TINAGL1: variants seen among roughly 807,000 people sequenced by gnomAD.
TINAGL1 encodes the protein tubulointerstitial nephritis antigen-like.
A neutral mutation model predicts 62.0 loss-of-function variants in TINAGL1; 34 were observed. The observed-to-expected ratio is 0.55, with a 90% CI of 0.42 to 0.73. The LOEUF is 0.73. Ranked by LOEUF, TINAGL1 falls within the 30% of genes least tolerant of loss-of-function variation. TINAGL1 has a pLI of 0.00. For missense variants in TINAGL1, 516 were observed against 653.2 expected, an observed-to-expected ratio of 0.79 and a Z score of 2.29; for synonymous variants, 221 against 249.7, an observed-to-expected ratio of 0.88 and a Z score of 1.08.
chr1:31,580,182 T>G, intron 3 of TINAGL1: 1 of 359,992 alleles, frequency 2.8e-6, no homozygotes, highest in Non-Finnish European at 3.8e-6. Flanking sequence ...TCTCTCTCTC[T>G]CTCTCTCTCT....
chr1:31,581,832 A>G (rs1639252556), intron 3 of TINAGL1, among the ~76,000 whole-genome samples: 1 of 152,240 alleles, frequency 6.6e-6, no homozygotes, highest in Admixed American at 6.5e-5. Flanking sequence ...TCCTAAGATC[A>G]CACAGCCAGT....
intron 3 of TINAGL1, among the ~76,000 whole-genome samples, chr1:31,582,496 G>A (rs754687484): frequency 1.5e-4 from 23 of 152,162 alleles, no homozygotes; most frequent in Admixed American, 1.5e-3. Context: ...ATTCTGTGAT[G>A]TGAAGCCAGT....
Position 31,585,985 on chromosome 1 carries a change from A to C in TINAGL1, c.1217+109A>C. The C allele has an allele frequency of 7.4e-7, 1 of 1,351,636 alleles. No homozygotes were observed. The highest frequency in any genetic ancestry group is 1.8e-5 in the South Asian group (1 of 57,114). The allele number at this position is 1,351,636 out of a possible 1,614,324, so 83.7% of individuals were successfully genotyped here. ...TCTCTAAAAAGCCAGGACTGCTCTC[A>C]TCATTTCAATAGGGAGAAAACTGAG... On this transcript the variant is annotated intron_variant, in intron 10 of 11. Coordinates refer to ENST00000271064, the MANE Select transcript of TINAGL1 (RefSeq NM_022164.3). The surrounding 1 kb of genome is among the most constrained non-coding windows in gnomAD (Gnocchi z 4.3).
chr1:31,582,778 C>T (rs141514765), intron 3 of TINAGL1, among the ~76,000 whole-genome samples: 1,591 of 151,532 alleles, frequency 0.01, 13 homozygotes, highest in Non-Finnish European at 0.016. Context: ...AGGAAGTCAG[C>T]GGGGACTGCC....
At chr1:31,580,636 G>A (rs2148590062) in intron 3 of TINAGL1, 2 of 1,289,330 alleles carry the variant, frequency 1.6e-6, no homozygotes, top group South Asian at 2.5e-5. Context: ...GCCATACTGG[G>A]TCTTGGCTCC....
chr1:31,584,767 C>G lies in TINAGL1; in HGVS notation c.672C>G (p.Gly224=), dbSNP rs1309028303. The G allele has an allele frequency of 6.2e-7, 1 of 1,614,122 alleles. No homozygotes were observed. The highest frequency in any genetic ancestry group is 1.3e-5 in the African/African-American group (1 of 74,944). Reference sequence around the variant, plus strand: ...TGATTCATGAGCCTCTTGACCAAGGCAACTGTGCAGGCTCCTGGGCCTTCT... The same window carrying G: ...TGATTCATGAGCCTCTTGACCAAGGGAACTGTGCAGGCTCCTGGGCCTTCT... ...PNLIHEPLDQ[G]NCAGSWAFST... The change falls in exon 6 of 12, where the codon GGC becomes GGG. Residue 224 remains glycine (G), a synonymous_variant. Coordinates refer to ENST00000271064, the MANE Select transcript of TINAGL1 (RefSeq NM_022164.3). The surrounding 1 kb of genome is among the most constrained non-coding windows in gnomAD (Gnocchi z 4.0).
Position 31,585,217 on chromosome 1 carries a change from C to A in TINAGL1, c.924C>A (p.Pro308=), listed in dbSNP as rs1315717697. 9.9e-6 allele frequency: 16 copies of A among 1,612,886 alleles called. No homozygotes were observed. The Admixed American group carries it at 1.3e-4, about 13-fold the overall frequency. ...RERDEAGPAP[P]CMMHSRAMGR... ...GAGACGAGGCTGGCCCTGCGCCCCCCTGTATGATGCACAGCCGAGCCATGG... is the reference window on the plus strand; with the variant it reads ...GAGACGAGGCTGGCCCTGCGCCCCCATGTATGATGCACAGCCGAGCCATGG... The change falls in exon 8 of 12, where the codon CCC becomes CCA. Residue 308 remains proline (P), a synonymous_variant. Coordinates refer to ENST00000271064, the MANE Select transcript of TINAGL1 (RefSeq NM_022164.3). This position sits in a 1 kb window ranked among gnomAD's most constrained non-coding sequence, Gnocchi z 4.3.
Position 31,584,523 on chromosome 1 carries a change from T to G in TINAGL1, c.583-155T>G. 1 of 1,248,110 alleles carries G rather than the reference T, an allele frequency of 8.0e-7. No individual in the cohort carries two copies. 77.3% of individuals were successfully genotyped at this position (1,248,110 alleles called of 1,614,324 possible). A position where few individuals can be genotyped will look rare whatever the true frequency, so the allele number is the denominator to read the frequency against. On this transcript the variant is annotated intron_variant, in intron 5 of 11. Transcript: ENST00000271064. The surrounding 1 kb of genome is among the most constrained non-coding windows in gnomAD (Gnocchi z 4.0). ...ATGGTGCTTGGTTCTTCAACACAAG[T>G]CAAAATTGGAGGCAGCTGGAATCCT...
intron 2 of TINAGL1, among the ~76,000 whole-genome samples, chr1:31,578,988 T>C (rs12736080): frequency 1 from 88,353 of 88,672 alleles, 44,020 homozygotes; most frequent in East Asian, 1. Flanking sequence ...AGTTTAATTT[T>C]AGTGACAGCT....
intron 3 of TINAGL1, chr1:31,580,363 G>A (rs1364761310): frequency 2.3e-6 from 3 of 1,287,660 alleles, no homozygotes; most frequent in Non-Finnish European, 3.0e-6. Flanking sequence ...GGGCAAAGGA[G>A]GAGATGGCAG....
In TINAGL1 at chr1:31,587,053, T is replaced by C; in HGVS notation, c.*74T>C. 7.2e-7 allele frequency: 1 copy of C among 1,383,608 alleles called. No homozygotes were observed. Among genetic ancestry groups the C allele is most frequent in the Middle Eastern group, 2.7e-4 (1 of 3,732 alleles). The allele number at this position is 1,383,608 out of a possible 1,614,324, so 85.7% of individuals were successfully genotyped here. A position where few individuals can be genotyped will look rare whatever the true frequency, so the allele number is the denominator to read the frequency against. On this transcript the variant is annotated 3_prime_UTR_variant, in exon 12 of 12. Transcript: ENST00000271064. ...GGCGGAAGAGGCCCCAATGGGGCGG[T>C]GACCCCAGCCTCGCCCGACAGAGCC...
Position 31,583,523 on chromosome 1 carries a change from G to A in TINAGL1, c.530G>A (p.Arg177His), listed in dbSNP as rs768382785. 1.2e-5 allele frequency: 19 copies of A among 1,613,868 alleles called. No individual in the cohort carries two copies. Among genetic ancestry groups the A allele is most frequent in the Admixed American group, 3.3e-5 (2 of 59,984 alleles). The change falls in exon 5 of 12, where the codon CGC becomes CAC. Residue 177 changes from arginine to histidine, a missense_variant. Physicochemically the swap from Arg to His is conservative, Grantham distance 29. Coordinates refer to ENST00000271064, the MANE Select transcript of TINAGL1 (RefSeq NM_022164.3). The surrounding 1 kb of genome is among the most constrained non-coding windows in gnomAD (Gnocchi z 4.4). ...ACCCTGGATGAGGGCATTCGCTACC[G>A]CCTGGGCACCATCCGCCCATCTTCC... Reference protein sequence around the residue: ...GMTLDEGIRYRLGTIRPSSSV... With the variant: ...GMTLDEGIRYHLGTIRPSSSV...
In TINAGL1 at chr1:31,584,700, T is replaced by C. The variant is rs780119481; in HGVS notation, c.605T>C (p.Val202Ala). 1 of 1,613,560 alleles carries C rather than the reference T, an allele frequency of 6.2e-7. No homozygotes were observed. The highest frequency in any genetic ancestry group is 1.1e-5 in the South Asian group (1 of 91,058). Reference protein sequence around the residue: ...EIYTVLNPGEVLPTAFEASEK... With the variant: ...EIYTVLNPGEALPTAFEASEK... The stretch of plus-strand genomic sequence containing the variant: ...CAGACAGTGCTGAACCCAGGGGAGG[T>C]GCTTCCCACAGCCTTCGAGGCCTCT... Residue 202 changes from valine (V) to alanine (A), a missense_variant, in exon 6 of 12, where the codon GTG becomes GCG. Physicochemically the swap from Val to Ala is moderately conservative, Grantham distance 64 (BLOSUM62 0). Transcript: ENST00000271064. This position sits in a 1 kb window ranked among gnomAD's most constrained non-coding sequence, Gnocchi z 4.0.
At chr1:31,579,404 A>G (rs1639141947) in intron 3 of TINAGL1, 137 bp downstream of exon 3, 1 of 734,674 alleles carries the variant, frequency 1.4e-6, no homozygotes, top group African/African-American at 1.7e-5. Context: ...CATCTGCAAT[A>G]GAGGAATTTT....
intron 3 of TINAGL1, among the ~76,000 whole-genome samples, chr1:31,582,120 A>C (rs1192995982): frequency 6.6e-6 from 1 of 152,258 alleles, no homozygotes; most frequent in Non-Finnish European, 1.5e-5. Context: ...ACTTGAGGCC[A>C]GGAATTTGAG....
In TINAGL1 at chr1:31,584,682, T is replaced by G. The variant is rs769702262; in HGVS notation, c.587T>G (p.Val196Gly). The G allele has an allele frequency of 2.5e-6, 4 of 1,613,448 alleles. No homozygotes were observed. The East Asian group carries it at 8.9e-5, about 36-fold the overall frequency. Reference sequence around the variant, plus strand: ...AGGGCAACCTTTATCTTGCAGACAGTGCTGAACCCAGGGGAGGTGCTTCCC... The same window carrying G: ...AGGGCAACCTTTATCTTGCAGACAGGGCTGAACCCAGGGGAGGTGCTTCCC... ...SVMNMHEIYTVLNPGEVLPTA... is the reference protein window; with the variant it reads ...SVMNMHEIYTGLNPGEVLPTA... The change falls in exon 6 of 12, where the codon GTG (valine) becomes GGG (glycine). Residue 196 changes from valine to glycine, a missense_variant. Coordinates refer to ENST00000271064, the MANE Select transcript of TINAGL1 (RefSeq NM_022164.3). The surrounding 1 kb of genome is among the most constrained non-coding windows in gnomAD (Gnocchi z 4.0).
rs538886102 is a variant in TINAGL1 at position 31,584,586 on chromosome 1, C to T, written c.583-92C>T. 1.6e-5 allele frequency: 25 copies of T among 1,592,526 alleles called. No individual in the cohort carries two copies. The highest frequency in any genetic ancestry group is 4.6e-4 in the Middle Eastern group (2 of 4,370). Reference sequence around the variant, plus strand: ...GGGCTCAAGATTAAACTGCAGAAGGCCCTGGACTTGGTGGCCCTCCAGTGC... The same window carrying T: ...GGGCTCAAGATTAAACTGCAGAAGGTCCTGGACTTGGTGGCCCTCCAGTGC... On this transcript the variant is annotated intron_variant, in intron 5 of 11. Transcript: ENST00000271064. The surrounding 1 kb of genome is among the most constrained non-coding windows in gnomAD (Gnocchi z 4.0).
At position 31,586,858 on chromosome 1, in the gene TINAGL1, G is replaced by T. The variant is rs1458639712; in HGVS notation, c.1283G>T (p.Gly428Val). The change falls in exon 12 of 12, where the codon GGC (glycine) becomes GTC (valine). Residue 428 changes from glycine (G) to valine (V), a missense_variant. Transcript: ENST00000271064. ...LKYWTAANSW[G>V]PAWGERGHFR... is the part of the protein sequence containing the mutation. The stretch of plus-strand genomic sequence containing the variant: ...TCCCAGACTGCGGCCAACTCCTGGG[G>T]CCCAGCCTGGGGCGAGAGGGGCCAC... 3.9e-6 allele frequency: 6 copies of T among 1,549,672 alleles called. No individual in the cohort carries two copies. The highest frequency in any genetic ancestry group is 4.4e-6 in the Non-Finnish European group (5 of 1,145,638).
intron 10 of TINAGL1, 189 bp from the exon 11 acceptor site, chr1:31,586,521 C>T: frequency 1.5e-6 from 1 of 666,328 alleles, no homozygotes; most frequent in Non-Finnish European, 2.7e-6. Flanking sequence ...CCATGCTGGG[C>T]CTGGGTGCAC....
Sources: allele counts gnomAD v4.1 joint callset (sites outside exome capture counted in the v4.1 genomes callset), GRCh38; gene constraint gnomAD v4.1.1; non-coding constraint Gnocchi (gnomAD v3.1); transcripts MANE v1.5; gene names NCBI Gene and HGNC (gene_info 2026-07-23, HGNC 2026-07-21).